The following TNFRSF10B variants were observed in gnomAD, a reference collection of about 807,000 sequenced individuals.
TNFRSF10B encodes the protein tumor necrosis factor receptor superfamily member 10B.
TNFRSF10B carries 35 observed loss-of-function variants against 41.4 expected under a neutral mutation model. The ratio of observed to expected loss-of-function variants is 0.85; its 90% CI spans 0.65 to 1.12. The LOEUF (loss-of-function observed/expected upper bound fraction) is 1.12. Among genes scored for constraint, TNFRSF10B ranks in the 50% most tolerant of loss-of-function variants. The pLI, the probability that TNFRSF10B is intolerant of heterozygous loss-of-function variation, is 0.00. For synonymous variants in TNFRSF10B, 230 were observed against 215.5 expected (o/e 1.07, Z -0.59); for missense variants, 584 against 552.7 (o/e 1.06, Z -0.57).
At chr8:23,050,033 A>T (rs979649197) in intron 1 of TNFRSF10B, 2 of 152,262 alleles carry the variant, frequency 1.3e-5, no homozygotes, top group Non-Finnish European at 2.9e-5. Flanking sequence ...GCAAATCTAC[A>T]CGTCCCTTTC....
chr8:23,046,615 T>TAAAAAAAAAA (rs147614589), intron 1 of TNFRSF10B, among the ~76,000 whole-genome samples: 2 of 129,840 alleles, frequency 1.5e-5, no homozygotes, highest in Non-Finnish European at 1.7e-5. Context: ...TATGCAACCA[T>TAAAAAAAAAA]AAAAAAAAAA....
chr8:23,024,046 G>A (rs1811625208), intron 8 of TNFRSF10B, 142 bp downstream of exon 8: 1 of 978,470 alleles, frequency 1.0e-6, no homozygotes, highest in Admixed American at 1.8e-5. Flanking sequence ...GACAGTTTAG[G>A]GTCCAGATGG....
chr8:23,052,405 C>T (rs1430144429), intron 1 of TNFRSF10B, among the ~76,000 whole-genome samples: 1 of 151,558 alleles, frequency 6.6e-6, no homozygotes, highest in African/African-American at 2.4e-5. Flanking sequence ...CCTGCCTCAG[C>T]CTCCCGAGTA....
In TNFRSF10B at chr8:23,020,820, G is replaced by A. The variant is rs1188305206; in HGVS notation, c.*1851C>T. On this transcript the variant is annotated 3_prime_UTR_variant, in exon 9 of 9. Coordinates refer to ENST00000276431, the MANE Select transcript of TNFRSF10B (RefSeq NM_003842.5). ...CGGACTGGCACCTTCTGAGCCCTGA[G>A]GCTGAGCGTCCTGCACAGAAGGCCC... The A allele has an allele frequency of 2.2e-6, 1 of 454,140 alleles. No individual in the cohort carries two copies. Among genetic ancestry groups the A allele is most frequent in the South Asian group, 1.6e-5 (1 of 64,476 alleles). 28.1% of individuals were successfully genotyped at this position (454,140 alleles called of 1,614,324 possible).
Position 23,043,247 on chromosome 8 carries a change from T to C in TNFRSF10B, c.145-4A>G, listed in dbSNP as rs1339638135. ...TCAGAGCAGACTCAGCTGAGACCTG[T>C]GGGGACAAAGCAGGGATGGGCATGA... On this transcript the variant is annotated splice_polypyrimidine_tract_variant and splice_region_variant and intron_variant, in intron 1 of 8. Transcript: ENST00000276431. The C allele has an allele frequency of 1.2e-6, 2 of 1,613,840 alleles. No homozygotes were observed. Among genetic ancestry groups the C allele is most frequent in the Middle Eastern group, 1.6e-4 (1 of 6,062 alleles).
Position 23,022,801 on chromosome 8 carries a change from G to A in TNFRSF10B, c.1193C>T (p.Ser398Phe), listed in dbSNP as rs1427464117. Residue 398 changes from serine to phenylalanine, a missense_variant, in exon 9 of 9, where the codon TCT becomes TTT. Physicochemically the swap from Ser to Phe is radical, Grantham distance 155. Coordinates refer to ENST00000276431, the MANE Select transcript of TNFRSF10B (RefSeq NM_003842.5). ...CAAGGCATCCAGCAGGGTGTGGACA[G>A]AGGCATCTCGCCCGGTTTTGTTGAC... ...KWVNKTGRDA[S>F]VHTLLDALET... 3 of 1,613,982 alleles carry A rather than the reference G, an allele frequency of 1.9e-6. No homozygotes were observed. Among genetic ancestry groups the A allele is most frequent in the Non-Finnish European group, 2.5e-6 (3 of 1,179,914 alleles).
At chr8:23,054,981 G>A (rs1340016648) in intron 1 of TNFRSF10B, among the ~76,000 whole-genome samples, 1 of 152,124 alleles carries the variant, frequency 6.6e-6, no homozygotes, top group African/African-American at 2.4e-5. Context: ...GGAAACAAGA[G>A]AGAAAAATTA....
At chr8:23,054,520 C>T (rs1253518070) in intron 1 of TNFRSF10B, among the ~76,000 whole-genome samples, 3 of 152,092 alleles carry the variant, frequency 2.0e-5, no homozygotes, top group African/African-American at 4.8e-5. Context: ...AATCTGTTTT[C>T]TTTTGTAACA....
At chr8:23,024,076 G>T in intron 8 of TNFRSF10B, 112 bp downstream of exon 8, 1 of 1,374,798 alleles carries the variant, frequency 7.3e-7, no homozygotes, top group South Asian at 1.2e-5. Flanking sequence ...CAGGACCCAC[G>T]GCTTCCAGCA....
chr8:23,055,359 C>T (rs1292812657), intron 1 of TNFRSF10B, among the ~76,000 whole-genome samples: 1 of 152,032 alleles, frequency 6.6e-6, no homozygotes, highest in Non-Finnish European at 1.5e-5. Flanking sequence ...GATTATGACA[C>T]CCCATCTCCC....
chr8:23,046,893 G>T (rs1002626595), intron 1 of TNFRSF10B, among the ~76,000 whole-genome samples: 6 of 152,062 alleles, frequency 3.9e-5, no homozygotes, highest in Non-Finnish European at 7.4e-5. Flanking sequence ...AGGAAAGCTG[G>T]ATATCCATAT....
rs564992780 is a variant in TNFRSF10B at position 23,043,060 on chromosome 8, A to G, written c.250+78T>C. 73 of 1,340,158 alleles carry G rather than the reference A, an allele frequency of 5.4e-5. No individual in the cohort carries two copies. In the African/African-American group the frequency reaches 8.2e-4, roughly 15 times the overall value. 83.0% of individuals were successfully genotyped at this position (1,340,158 alleles called of 1,614,324 possible). A position where few individuals can be genotyped will look rare whatever the true frequency, so the allele number is the denominator to read the frequency against. ...CTCTCTGTGGAATAAAGAACAAGGA[A>G]GTGCAAAGGAAACAGACTGGAAGCT... is the stretch of plus-strand genomic sequence containing the variant. On this transcript the variant is annotated intron_variant, in intron 2 of 8. Coordinates refer to ENST00000276431, the MANE Select transcript of TNFRSF10B (RefSeq NM_003842.5).
intron 2 of TNFRSF10B, among the ~76,000 whole-genome samples, chr8:23,038,649 T>C (rs1409424517): frequency 6.6e-6 from 1 of 152,224 alleles, no homozygotes; most frequent in South Asian, 2.1e-4. Context: ...CTCAAGAACT[T>C]TGCATCCTCT....
chr8:23,039,054 T>C (rs1812099220), intron 2 of TNFRSF10B, among the ~76,000 whole-genome samples: 1 of 151,856 alleles, frequency 6.6e-6, no homozygotes, highest in African/African-American at 2.4e-5. Context: ...GATGGTCCTA[T>C]CTGGGGGTGA....
At chr8:23,068,634 A>C (rs902795365) in intron 1 of TNFRSF10B, 117 bp downstream of exon 1, 2 of 1,448,012 alleles carry the variant, frequency 1.4e-6, no homozygotes, top group African/African-American at 2.8e-5. Context: ...TCTTGCCCGG[A>C]CATGCCCGGC....
Position 23,030,752 on chromosome 8 carries a change from T to A in TNFRSF10B, c.364+7A>T, listed in dbSNP as rs1162274257. 6.2e-7 allele frequency: 1 copy of A among 1,607,394 alleles called. No individual in the cohort carries two copies. On this transcript the variant is annotated splice_region_variant and intron_variant, in intron 3 of 8. Coordinates refer to ENST00000276431, the MANE Select transcript of TNFRSF10B (RefSeq NM_003842.5). ...ACCTTTAGGCATGGGGTCCATATGT[T>A]CTGTACCTGAATCACACCTGGTGCA...
At chr8:23,038,867 A>G (rs1812094962) in intron 2 of TNFRSF10B, among the ~76,000 whole-genome samples, 3 of 151,830 alleles carry the variant, frequency 2.0e-5, no homozygotes, top group Admixed American at 6.6e-5. Context: ...CTGAAAGACA[A>G]TTTTTCCACG....
intron 1 of TNFRSF10B, among the ~76,000 whole-genome samples, chr8:23,060,046 T>A (rs1196823155): frequency 6.6e-6 from 1 of 152,236 alleles, no homozygotes; most frequent in Non-Finnish European, 1.5e-5. Flanking sequence ...TAAGCCCTTA[T>A]CAGATATATA....
intron 2 of TNFRSF10B, among the ~76,000 whole-genome samples, chr8:23,031,458 A>T (rs997429815): frequency 1.5e-4 from 23 of 151,536 alleles, no homozygotes; most frequent in African/African-American, 5.6e-4. Flanking sequence ...CAGTGGTGTG[A>T]TCTCAGCTCA....
Sources: gnomAD v4.1 joint callset for allele counts (sites outside exome capture counted in the v4.1 genomes callset) on GRCh38, gnomAD v4.1.1 for gene constraint, MANE v1.5 for transcripts, NCBI Gene and HGNC (gene_info 2026-07-23, HGNC 2026-07-21) for gene names.